The following ZPBP variants were observed in gnomAD, a reference collection of about 807,000 sequenced individuals.
The protein encoded by ZPBP is zona pellucida binding protein, also known as zona pellucida-binding protein 1.
ZPBP carries 26 observed loss-of-function variants against 44.8 expected under a neutral mutation model. The ratio of observed to expected loss-of-function variants is 0.58; its 90% CI spans 0.43 to 0.81. ZPBP has a LOEUF of 0.81. Among genes scored for constraint, ZPBP ranks in the 30% least tolerant of loss-of-function variants. The pLI is 0.00. For missense variants in ZPBP, 409 were observed against 434.0 expected (o/e 0.94, Z 0.51); for synonymous variants, 174 against 153.2 (o/e 1.14, Z -1.00).
downstream of ZPBP, among the ~76,000 whole-genome samples, chr7:49,932,670 G>A (rs1794486688): frequency 6.6e-6 from 1 of 152,182 alleles, no homozygotes; most frequent in Non-Finnish European, 1.5e-5. Flanking sequence ...GGGAAGGTAT[G>A]ATTGGTTTTG....
chr7:50,039,647 G>C (rs1158919068), intron 4 of ZPBP, among the ~76,000 whole-genome samples: 4 of 152,106 alleles, frequency 2.6e-5, no homozygotes, highest in Non-Finnish European at 4.4e-5. Flanking sequence ...ACAAAATTCA[G>C]ATGGTAACTT....
chr7:49,912,267 G>A, intron 1 of ZPBP: 3 of 1,420,460 alleles, frequency 2.1e-6, no homozygotes, highest in Non-Finnish European at 2.8e-6. Context: ...GGAACTATCA[G>A]TCAAAGAAGA....
At chr7:50,012,814 T>G (rs1467938816) in intron 6 of ZPBP, among the ~76,000 whole-genome samples, 2 of 151,082 alleles carry the variant, frequency 1.3e-5, no homozygotes, top group Admixed American at 6.6e-5. Context: ...AATACATAAA[T>G]AAAATGTACA....
At chr7:50,014,429 T>C (rs1474984625) in intron 6 of ZPBP, among the ~76,000 whole-genome samples, 11 of 151,466 alleles carry the variant, frequency 7.3e-5, no homozygotes, top group Non-Finnish European at 8.8e-5. Context: ...TTAAGAAATA[T>C]ATTTATTTAT....
chr7:49,925,733 C>T (rs371723559), intron 1 of ZPBP, among the ~76,000 whole-genome samples: 1 of 152,248 alleles, frequency 6.6e-6, no homozygotes, highest in African/African-American at 2.4e-5. Context: ...TTGGTCTTTC[C>T]TTCCAGGCCC....
At chr7:50,021,904 T>C (rs932595065) in intron 5 of ZPBP, among the ~76,000 whole-genome samples, 1 of 152,120 alleles carries the variant, frequency 6.6e-6, no homozygotes, top group South Asian at 2.1e-4. Flanking sequence ...GGCAACCATT[T>C]TTTAAAAAAT....
intron 5 of ZPBP, among the ~76,000 whole-genome samples, chr7:50,022,553 C>T (rs954028593): frequency 1.2e-4 from 18 of 151,446 alleles, no homozygotes; most frequent in Admixed American, 4.6e-4. Flanking sequence ...GAAATTTAAA[C>T]GGTATTCTAT....
At position 49,878,111 on chromosome 7, in the gene ZPBP, TTAA is replaced by T. The variant is rs562792797; in HGVS notation, n.509+23004_509+23006del. Reference sequence around the variant, plus strand: ...GCAGTCTGTCCCCTTGACGTAAATGTTAATGTTAATTGGTGCTTCTACCCACAG... The same window carrying T: ...GCAGTCTGTCCCCTTGACGTAAATGTTGTTAATTGGTGCTTCTACCCACAG... On this transcript the variant is annotated intron_variant and non_coding_transcript_variant, in intron 2 of 2. Transcript: ENST00000465922. 1.2e-4 allele frequency among the ~76,000 whole-genome samples: 18 copies of T among 152,226 alleles called. No individual in the cohort carries two copies. In the South Asian group the frequency reaches 3.7e-3, roughly 32 times the overall value.
At chr7:49,981,342 A>C in intron 7 of ZPBP, among the ~76,000 whole-genome samples, 1 of 17,408 alleles carries the variant, frequency 5.7e-5, no homozygotes, top group Admixed American at 7.4e-4. Context: ...AATTATATAT[A>C]TTATATAATA....
intron 2 of ZPBP, among the ~76,000 whole-genome samples, chr7:49,864,865 T>G (rs1047142525): frequency 6.6e-6 from 1 of 152,230 alleles, no homozygotes; most frequent in Admixed American, 6.5e-5. Flanking sequence ...ATTTTTAAGT[T>G]GCCTTGTTCG....
intron 6 of ZPBP, among the ~76,000 whole-genome samples, chr7:49,991,090 T>A (rs1797551442): frequency 6.6e-6 from 1 of 152,114 alleles, no homozygotes; most frequent in Non-Finnish European, 1.5e-5. Flanking sequence ...ATCTCTGGGA[T>A]AAATGACTGT....
intron 2 of ZPBP, among the ~76,000 whole-genome samples, chr7:49,868,483 C>T (rs1252329259): frequency 1.3e-5 from 2 of 152,254 alleles, no homozygotes; most frequent in African/African-American, 2.4e-5. Flanking sequence ...TATAAAAATA[C>T]CTAAATCACA....
intron 3 of ZPBP, among the ~76,000 whole-genome samples, chr7:50,071,762 C>A (rs1801850537): frequency 1.3e-5 from 2 of 152,142 alleles, no homozygotes; most frequent in Admixed American, 6.5e-5. Flanking sequence ...TCTAGACATA[C>A]CCTGGGCCAG....
chr7:49,907,666 C>T (rs1335361283), intron 1 of ZPBP, among the ~76,000 whole-genome samples: 1 of 152,142 alleles, frequency 6.6e-6, no homozygotes, highest in East Asian at 1.9e-4. Context: ...TAACATAAGA[C>T]ATCAATCAAT....
In ZPBP at chr7:50,058,134, G is replaced by A; in HGVS notation, c.342C>T (p.Asn114=). 6.2e-7 allele frequency: 1 copy of A among 1,613,624 alleles called. No individual in the cohort carries two copies. The highest frequency in any genetic ancestry group is 8.5e-7 in the Non-Finnish European group (1 of 1,179,784). Residue 114 remains asparagine (N), a synonymous_variant, in exon 4 of 8, where the codon AAC becomes AAT. Transcript: ENST00000046087. Reference sequence around the variant, plus strand: ...CTGTGGATGTTATTTGTGCAGTGCGGTTTTCTACTAAAGGAATAAGATACA... The same window carrying A: ...CTGTGGATGTTATTTGTGCAGTGCGATTTTCTACTAAAGGAATAAGATACA... ...GPKGKVVSVE[N]RTAQITSTGS...
chr7:49,901,131 G>A (rs1444180398), exon 2 of ZPBP: 1 of 151,882 alleles, frequency 6.6e-6, no homozygotes, highest in Non-Finnish European at 1.5e-5. Context: ...TGAGAAACTT[G>A]AAGCTTTCCC....
intron 7 of ZPBP, chr7:49,943,056 T>C (rs1272066446): frequency 6.0e-6 from 2 of 333,440 alleles, no homozygotes; most frequent in East Asian, 1.7e-4. Flanking sequence ...TTAAGCAGCT[T>C]GACAAAGAAA....
At chr7:50,072,815 TA>T (rs1801913691) in intron 3 of ZPBP, among the ~76,000 whole-genome samples, 1 of 152,298 alleles carries the variant, frequency 6.6e-6, no homozygotes, top group African/African-American at 2.4e-5. Context: ...ATTTACATCA[TA>T]ACATCCAAGT....
intron 5 of ZPBP, among the ~76,000 whole-genome samples, chr7:50,022,426 A>G (rs1799143135): frequency 6.6e-6 from 1 of 152,066 alleles, no homozygotes; most frequent in South Asian, 2.1e-4. Context: ...GAATACTATT[A>G]TAACTAAGCT....
Sources: gnomAD v4.1 joint callset for allele counts (sites outside exome capture counted in the v4.1 genomes callset) on GRCh38, gnomAD v4.1.1 for gene constraint, MANE v1.5 for transcripts, NCBI Gene and HGNC (gene_info 2026-07-23, HGNC 2026-07-21) for gene names.